The following SFXN2 variants were observed in gnomAD, a reference collection of about 807,000 sequenced individuals.
SFXN2 encodes sideroflexin-2.
SFXN2 carries 37 observed loss-of-function variants against 41.9 expected under a neutral mutation model. The ratio of observed to expected loss-of-function variants is 0.88; its 90% CI spans 0.68 to 1.16. The LOEUF is 1.16. Ranked by LOEUF, SFXN2 falls within the 50% of genes most tolerant of loss-of-function variation. The probability of loss-of-function intolerance (pLI) is 0.00; values close to 1 mark genes in which losing one functional copy is unlikely to be tolerated. For synonymous variants in SFXN2, 150 were observed against 156.7 expected (o/e 0.96, Z 0.32); for missense variants, 386 against 425.2 (o/e 0.91, Z 0.81).
intron 8 of SFXN2, 22 bp downstream of exon 8, chr10:102,732,240 A>G: frequency 6.2e-7 from 1 of 1,609,984 alleles, no homozygotes; most frequent in South Asian, 1.1e-5. Flanking sequence ...AAGCCCTTCC[A>G]TCCTGGGGAA....
chr10:102,718,965 C>T (rs1224838435), intron 1 of SFXN2, among the ~76,000 whole-genome samples: 1 of 131,092 alleles, frequency 7.6e-6, no homozygotes, highest in Non-Finnish European at 1.5e-5. Flanking sequence ...TGCTATGTTG[C>T]CAAGATGGAG....
rs762070989 is a variant in SFXN2, at chr10:102,727,294, G to A, written c.332+137G>A. 23 of 911,638 alleles carry A rather than the reference G, an allele frequency of 2.5e-5. No homozygotes were observed. The African/African-American group carries it at 2.8e-4, about 11-fold the overall frequency. 56.5% of individuals were successfully genotyped at this position (911,638 alleles called of 1,614,324 possible). A position where few individuals can be genotyped will look rare whatever the true frequency, so the allele number is the denominator to read the frequency against. On this transcript the variant is annotated intron_variant, in intron 3 of 11. Coordinates refer to ENST00000369893, the MANE Select transcript of SFXN2 (RefSeq NM_178858.6). ...AGGCACTATGCTACATTCTTTGCTC[G>A]TATTGCTTCATTTAACCCTCGCAAC...
intron 10 of SFXN2, 33 bp downstream of exon 10, chr10:102,733,636 C>T (rs759381420): frequency 4.3e-5 from 68 of 1,595,890 alleles, no homozygotes; most frequent in Middle Eastern, 1.7e-4. Flanking sequence ...TTGGGTTCTG[C>T]GTGGCTGGAG....
At chr10:102,731,126 G>A (rs1345004436) in intron 6 of SFXN2, among the ~76,000 whole-genome samples, 1 of 151,576 alleles carries the variant, frequency 6.6e-6, no homozygotes, top group Admixed American at 6.6e-5. Flanking sequence ...AATTAGCCGG[G>A]CATGGTGGCG....
chr10:102,726,624 A>C lies in SFXN2; in HGVS notation c.-13A>C. On this transcript the variant is annotated 5_prime_UTR_variant, in exon 2 of 12. The change abolishes an upstream ATG in the 5' untranslated region. Transcript: ENST00000369893. ...CTTTGTCCCTTAGGTCCACAGTTTTATGTGTGAGCAAGATGGAGGCTGACC... is the reference window on the plus strand; with the variant it reads ...CTTTGTCCCTTAGGTCCACAGTTTTCTGTGTGAGCAAGATGGAGGCTGACC... 6.2e-7 allele frequency: 1 copy of C among 1,614,006 alleles called. No homozygotes were observed. Among genetic ancestry groups the C allele is most frequent in the East Asian group, 2.2e-5 (1 of 44,876 alleles).
chr10:102,716,986 C>T (rs1237783085), intron 1 of SFXN2, among the ~76,000 whole-genome samples: 4 of 152,132 alleles, frequency 2.6e-5, no homozygotes, highest in South Asian at 4.1e-4. Context: ...CTGCTGCAAG[C>T]GCTTAGTGCA....
rs150425224 is a variant in SFXN2 at position 102,734,350 on chromosome 10, G to A, written c.821+747G>A. 2.2e-3 allele frequency among the ~76,000 whole-genome samples: 338 copies of A among 152,268 alleles called. 1 individual carries two copies. The highest frequency in any genetic ancestry group is 7.6e-3 in the African/African-American group (314 of 41,554). ...TGCATTTCAGGGCCACGAGACTAAT[G>A]ACAGCATCACTAACAGCTAACACTG... On this transcript the variant is annotated intron_variant, in intron 10 of 11. Transcript: ENST00000369893. This position sits in a 1 kb window ranked among gnomAD's most constrained non-coding sequence, Gnocchi z 4.1.
Position 102,734,230 on chromosome 10 carries a change from CAT to C in SFXN2, c.821+628_821+629del, listed in dbSNP as rs1392174426. Among the ~76,000 whole-genome samples the C allele has an allele frequency of 6.6e-6, 1 of 151,760 alleles. No individual in the cohort carries two copies. The highest frequency in any genetic ancestry group is 1.5e-5 in the Non-Finnish European group (1 of 68,042). On this transcript the variant is annotated intron_variant, in intron 10 of 11. Transcript: ENST00000369893. This position sits in a 1 kb window ranked among gnomAD's most constrained non-coding sequence, Gnocchi z 4.1. Reference sequence around the variant, plus strand: ...GAGACATAGCTTTGGCTGGGACTGTCATGTGTCCCAGACTCACACAGGAGGGA... The same window carrying C: ...GAGACATAGCTTTGGCTGGGACTGTCGTGTCCCAGACTCACACAGGAGGGA...
intron 1 of SFXN2, among the ~76,000 whole-genome samples, chr10:102,721,885 A>G (rs2247722): frequency 1 from 152,143 of 152,174 alleles, 76,056 homozygotes; most frequent in Non-Finnish European, 1. Flanking sequence ...CTTGACTGAT[A>G]AAATGTTCCT....
intron 1 of SFXN2, chr10:102,716,113 C>A (rs1246698849): frequency 6.6e-6 from 1 of 152,116 alleles, no homozygotes; most frequent in East Asian, 1.9e-4. Flanking sequence ...GTGAAAAAGG[C>A]AAGGGAGGTT....
chr10:102,726,671 C>A lies in SFXN2; in HGVS notation c.35C>A (p.Ala12Asp). Residue 12 changes from alanine (A) to aspartate (D), a missense_variant, in exon 2 of 12, where the codon GCC (alanine) becomes GAC (aspartate). Transcript: ENST00000369893. ...GACCTGTCTGGCTTTAACATCGATG[C>A]CCCCCGTTGGGACCAGCGCACCTTC... ...EADLSGFNID[A>D]PRWDQRTFLG... The A allele has an allele frequency of 6.2e-7, 1 of 1,614,158 alleles. No homozygotes were observed. The highest frequency in any genetic ancestry group is 8.5e-7 in the Non-Finnish European group (1 of 1,180,018).
chr10:102,727,173 A>C lies in SFXN2; in HGVS notation c.332+16A>C. ...AGTTCTACAGGTGGGACCTGGGGGC[A>C]GGGCCGTGGGAGGTACAGCTGCCTG... On this transcript the variant is annotated intron_variant, in intron 3 of 11. Coordinates refer to ENST00000369893, the MANE Select transcript of SFXN2 (RefSeq NM_178858.6). The C allele has an allele frequency of 6.3e-7, 1 of 1,587,748 alleles. No homozygotes were observed. The highest frequency in any genetic ancestry group is 8.6e-7 in the Non-Finnish European group (1 of 1,158,262).
chr10:102,726,849 C>T (rs1218421716), intron 2 of SFXN2, 52 bp downstream of exon 2: 2 of 1,604,818 alleles, frequency 1.2e-6, no homozygotes, highest in Admixed American at 1.7e-5. Flanking sequence ...TGATGGGGTC[C>T]TCTTGGGAGG....
At chr10:102,714,971 C>CT (rs2064384745) in intron 1 of SFXN2, 1 of 152,922 alleles carries the variant, frequency 6.5e-6, no homozygotes, top group Admixed American at 6.5e-5. Flanking sequence ...AAGAAGCAGC[C>CT]TGGGGGCTGG....
chr10:102,737,866 G>A lies in SFXN2; in HGVS notation c.*104G>A, dbSNP rs2064802512. 4.0e-6 allele frequency: 3 copies of A among 750,844 alleles called. No homozygotes were observed. Among genetic ancestry groups the A allele is most frequent in the Non-Finnish European group, 4.4e-6 (2 of 451,752 alleles). The allele number at this position is 750,844 out of a possible 1,614,324, so 46.5% of individuals were successfully genotyped here. On this transcript the variant is annotated 3_prime_UTR_variant, in exon 12 of 12. Coordinates refer to ENST00000369893, the MANE Select transcript of SFXN2 (RefSeq NM_178858.6). ...TTCCCCTTTGCCAACAAGGCCTGAA[G>A]GCCAGGGTAGATTGGGGGGTGGGAC...
Position 102,731,752 on chromosome 10 carries a change from A to G in SFXN2, c.623A>G (p.Asp208Gly). The change falls in exon 7 of 12, where the codon GAC (aspartate) becomes GGC (glycine). Residue 208 changes from aspartate to glycine, a missense_variant. Coordinates refer to ENST00000369893, the MANE Select transcript of SFXN2 (RefSeq NM_178858.6). ...CTCATAAAGGGAATCTGCGTGAAGGACAGGAATGAAAATGAGATTGGTCAT... is the reference window on the plus strand; with the variant it reads ...CTCATAAAGGGAATCTGCGTGAAGGGCAGGAATGAAAATGAGATTGGTCAT... ...QELIKGICVK[D>G]RNENEIGHSR... 6.2e-7 allele frequency: 1 copy of G among 1,613,996 alleles called. No individual in the cohort carries two copies. Among genetic ancestry groups the G allele is most frequent in the South Asian group, 1.1e-5 (1 of 91,054 alleles).
chr10:102,737,784 C>G lies in SFXN2; in HGVS notation c.*22C>G. 1 of 1,516,034 alleles carries G rather than the reference C, an allele frequency of 6.6e-7. No homozygotes were observed. Among genetic ancestry groups the G allele is most frequent in the Non-Finnish European group, 9.1e-7 (1 of 1,093,478 alleles). The allele number at this position is 1,516,034 out of a possible 1,614,324, so 93.9% of individuals were successfully genotyped here. ...CTAAATGCCCCACTTCAGCAAGGAC[C>G]AGTCTATTCCCATATTCACCAGCTC... On this transcript the variant is annotated 3_prime_UTR_variant, in exon 12 of 12. Coordinates refer to ENST00000369893, the MANE Select transcript of SFXN2 (RefSeq NM_178858.6).
rs2265307 is a variant in SFXN2, at chr10:102,739,837, T to C, written c.*2075T>C. The C allele has an allele frequency of 0.98, 149,516 of 152,008 alleles. 73,564 individuals carry two copies. The highest frequency in any genetic ancestry group is 1 in the East Asian group (5,165 of 5,170). 9.4% of individuals were successfully genotyped at this position (152,008 alleles called of 1,614,324 possible). A position where few individuals can be genotyped will look rare whatever the true frequency, so the allele number is the denominator to read the frequency against. ...CTGAGACTGGAGAATCACTTGAACC[T>C]GGGAGGTGGAGGTTGTGGTGAGCCA... On this transcript the variant is annotated 3_prime_UTR_variant, in exon 12 of 12. Coordinates refer to ENST00000369893, the MANE Select transcript of SFXN2 (RefSeq NM_178858.6).
At chr10:102,715,026 T>C (rs2064385954) in intron 1 of SFXN2, 1 of 152,398 alleles carries the variant, frequency 6.6e-6, no homozygotes, top group Non-Finnish European at 1.5e-5. Context: ...AAAGGCGTTT[T>C]GGGGATCGGC....
Sources: allele counts gnomAD v4.1 joint callset (sites outside exome capture counted in the v4.1 genomes callset), GRCh38; gene constraint gnomAD v4.1.1; non-coding constraint Gnocchi (gnomAD v3.1); transcripts MANE v1.5; gene names NCBI Gene and HGNC (gene_info 2026-07-23, HGNC 2026-07-21).